FAT3: variants seen among roughly 807,000 people sequenced by gnomAD.
FAT3 encodes protocadherin Fat 3.
A neutral mutation model predicts 310.2 loss-of-function variants in FAT3; 95 were observed. The ratio of observed to expected loss-of-function variants is 0.31; its 90% confidence interval spans 0.26 to 0.36. The LOEUF (loss-of-function observed/expected upper bound fraction) is 0.36, where lower values mean the gene tolerates loss of function less well. FAT3 is among the 10% of genes least tolerant of loss of function. The pLI is 1.00. For synonymous variants in FAT3, 2,314 were observed against 2,192.9 expected, an observed-to-expected ratio of 1.06 and a Z score of -1.54; for missense variants, 5,408 against 5,715.6, an observed-to-expected ratio of 0.95 and a Z score of 1.74.
At chr11:92,726,724 A>T (rs1317730474) in intron 4 of FAT3, among the ~76,000 whole-genome samples, 1 of 151,780 alleles carries the variant, frequency 6.6e-6, no homozygotes, top group East Asian at 1.9e-4. Flanking sequence ...AAGAAATCTG[A>T]AATGGCCAAA....
At chr11:92,782,453 CTA>C (rs1337321364) in intron 7 of FAT3, among the ~76,000 whole-genome samples, 5 of 152,214 alleles carry the variant, frequency 3.3e-5, no homozygotes, top group African/African-American at 2.4e-5. Flanking sequence ...TGGCACACAC[CTA>C]TAGTCCCAGC....
rs534538607 is a variant in FAT3 at position 92,696,206 on chromosome 11, G to A, written c.3608-1178G>A. 1.2e-4 allele frequency among the ~76,000 whole-genome samples: 18 copies of A among 152,184 alleles called. 1 individual carries two copies. The South Asian group carries it at 3.7e-3, about 32-fold the overall frequency. On this transcript the variant is annotated intron_variant, in intron 3 of 27. Coordinates refer to ENST00000525166, the MANE Select transcript of FAT3 (RefSeq NM_001367949.2). Reference sequence around the variant, plus strand: ...AACTCTGTGGGGCACATTCCAGAATGAATTCATGGAAAGTTAGATCATTTA... The same window carrying A: ...AACTCTGTGGGGCACATTCCAGAATAAATTCATGGAAAGTTAGATCATTTA...
intron 3 of FAT3, among the ~76,000 whole-genome samples, chr11:92,625,645 G>T (rs505423): frequency 0.48 from 73,358 of 151,882 alleles, 17,945 homozygotes; most frequent in African/African-American, 0.49. Context: ...CCCCAAAGTT[G>T]TCATTGGCTA....
At chr11:92,551,059 G>A (rs1954798576) in intron 3 of FAT3, among the ~76,000 whole-genome samples, 1 of 151,942 alleles carries the variant, frequency 6.6e-6, no homozygotes, top group African/African-American at 2.4e-5. Context: ...CTGAGTCTCA[G>A]ACAGAGTGTT....
At chr11:92,749,321 C>T (rs991310430) in intron 4 of FAT3, among the ~76,000 whole-genome samples, 1 of 152,098 alleles carries the variant, frequency 6.6e-6, no homozygotes, top group African/African-American at 2.4e-5. Context: ...CACACACACA[C>T]ATACACACAC....
chr11:92,815,673 G>A (rs1215255876), intron 13 of FAT3, among the ~76,000 whole-genome samples: 2 of 152,172 alleles, frequency 1.3e-5, no homozygotes, highest in Admixed American at 6.5e-5. Flanking sequence ...TAGACTAAAA[G>A]CAAGGTAGGC....
chr11:92,730,245 G>A (rs1330604461), intron 4 of FAT3, among the ~76,000 whole-genome samples: 1 of 152,122 alleles, frequency 6.6e-6, no homozygotes, highest in African/African-American at 2.4e-5. Context: ...GGCTGATGAG[G>A]GAGGATCGCT....
At chr11:92,478,948 CTTTCTTTTCTTTTCTTTTCT>C (rs113372595) in intron 2 of FAT3, among the ~76,000 whole-genome samples, 2 of 114,464 alleles carry the variant, frequency 1.7e-5, no homozygotes, top group African/African-American at 7.4e-5. Context: ...TTCTTTCTTT[CTTTCTTTTCTTTTCTTTTCT>C]TTTCTTTTCT....
chr11:92,796,576 C>T (rs1039186728), intron 9 of FAT3, among the ~76,000 whole-genome samples: 2 of 152,130 alleles, frequency 1.3e-5, no homozygotes, highest in Non-Finnish European at 2.9e-5. Context: ...ACCTATCATA[C>T]TACAATACTC....
intron 2 of FAT3, among the ~76,000 whole-genome samples, chr11:92,406,911 A>G (rs951390602): frequency 1.3e-5 from 2 of 152,036 alleles, no homozygotes; most frequent in Admixed American, 6.6e-5. Context: ...TGAGGAATCC[A>G]CTCTACAGAG....
At chr11:92,573,918 T>C (rs1431807985) in intron 3 of FAT3, among the ~76,000 whole-genome samples, 1 of 152,116 alleles carries the variant, frequency 6.6e-6, no homozygotes, top group Non-Finnish European at 1.5e-5. Flanking sequence ...AATACATTGG[T>C]CAATTTAAAA....
In FAT3 at chr11:92,798,148, G is replaced by A. The variant is rs753513948; in HGVS notation, c.5135G>A (p.Gly1712Glu). ...IYEVKDGDIN[G>E]IFTINPYSGV... ...GAAGTCAAAGATGGAGACATTAATG[G>A]GATCTTTACCATAAATCCATATTCT... Residue 1712 changes from glycine (G) to glutamate (E), a missense_variant, in exon 10 of 28, where the codon GGG (glycine) becomes GAG (glutamate). By Grantham distance (98) the Gly-to-Glu change is moderately conservative. This residue lies in a region of FAT3 where 4,588 missense variants were observed against 4,809.8 expected (regional missense o/e 0.95). Coordinates refer to ENST00000525166, the MANE Select transcript of FAT3 (RefSeq NM_001367949.2). 8.6e-5 allele frequency: 139 copies of A among 1,613,824 alleles called. No homozygotes were observed. The East Asian group carries it at 3.0e-3, about 34-fold the overall frequency.
chr11:92,329,283 G>A (rs904846405), intron 1 of FAT3, among the ~76,000 whole-genome samples: 1 of 151,748 alleles, frequency 6.6e-6, no homozygotes, highest in African/African-American at 2.4e-5. Context: ...AAAGATTAAT[G>A]CCCTCCCTCC....
chr11:92,841,419 G>A (rs953397820), intron 18 of FAT3, among the ~76,000 whole-genome samples: 2 of 152,152 alleles, frequency 1.3e-5, no homozygotes, highest in African/African-American at 2.4e-5. Context: ...ATTATTAATG[G>A]TGACAATAAT....
intron 7 of FAT3, among the ~76,000 whole-genome samples, chr11:92,775,550 A>T (rs1946577532): frequency 6.6e-6 from 1 of 152,180 alleles, no homozygotes; most frequent in Non-Finnish European, 1.5e-5. Context: ...CTTTCCCAGT[A>T]ACTAGGATGA....
intron 3 of FAT3, among the ~76,000 whole-genome samples, chr11:92,665,424 T>C (rs1942919877): frequency 6.6e-6 from 1 of 152,224 alleles, no homozygotes; most frequent in Admixed American, 6.5e-5. Context: ...AAGGTTTCTC[T>C]TTCTAATTAA....
chr11:92,655,123 C>G (rs562260121), intron 3 of FAT3, among the ~76,000 whole-genome samples: 3 of 152,310 alleles, frequency 2.0e-5, no homozygotes, highest in African/African-American at 7.2e-5. Flanking sequence ...AGTAGTCACT[C>G]TCCCACTCAA....
intron 2 of FAT3, among the ~76,000 whole-genome samples, chr11:92,508,829 G>A (rs187482875): frequency 1.3e-5 from 2 of 152,196 alleles, no homozygotes; most frequent in East Asian, 3.9e-4. Context: ...CTAAAAATTG[G>A]ATTAAAGTAT....
At chr11:92,860,870 G>A (rs558590948) in intron 21 of FAT3, among the ~76,000 whole-genome samples, 1 of 152,292 alleles carries the variant, frequency 6.6e-6, no homozygotes, top group East Asian at 1.9e-4. Flanking sequence ...GGGAGTCGAA[G>A]TTTAAAAGTT....
Sources: gnomAD v4.1 joint callset for allele counts (sites outside exome capture counted in the v4.1 genomes callset) on GRCh38, gnomAD v4.1.1 for gene constraint, gnomAD v4.1.1 regional missense constraint, MANE v1.5 for transcripts, NCBI Gene and HGNC (gene_info 2026-07-23, HGNC 2026-07-21) for gene names.